MREG: variants seen among roughly 807,000 people sequenced by gnomAD.
The protein encoded by MREG is dilute suppressor protein homolog.
A neutral mutation model predicts 28.5 loss-of-function variants in MREG; 31 were observed. The observed-to-expected ratio is 1.09, with a 90% CI of 0.82 to 1.47. The LOEUF is 1.47. Among genes scored for constraint, MREG ranks in the 40% most tolerant of loss-of-function variants. MREG has a pLI of 0.00. For missense variants in MREG, 256 were observed against 257.4 expected, an observed-to-expected ratio of 0.99 and a Z score of 0.04; for synonymous variants, 106 against 95.2, an observed-to-expected ratio of 1.11 and a Z score of -0.66.
chr2:215,979,131 A>G (rs1693339526), intron 2 of MREG, among the ~76,000 whole-genome samples: 1 of 152,146 alleles, frequency 6.6e-6, no homozygotes, highest in Non-Finnish European at 1.5e-5. Flanking sequence ...TTTTTTCTAC[A>G]AAGTTCTATG....
intron 2 of MREG, among the ~76,000 whole-genome samples, chr2:215,979,450 T>G (rs1693351445): frequency 7.0e-6 from 1 of 142,098 alleles, no homozygotes; most frequent in African/African-American, 2.7e-5. Context: ...GCAACAAGAG[T>G]GAAACTCCAT....
chr2:215,955,648 T>C (rs1692606393), intron 2 of MREG, among the ~76,000 whole-genome samples: 1 of 152,212 alleles, frequency 6.6e-6, no homozygotes, highest in Non-Finnish European at 1.5e-5. Flanking sequence ...ATTGACATCA[T>C]CTTATGCTGC....
chr2:216,010,196 T>C (rs141558742), intron 1 of MREG, among the ~76,000 whole-genome samples: 1 of 152,166 alleles, frequency 6.6e-6, no homozygotes, highest in Non-Finnish European at 1.5e-5. Flanking sequence ...AGGCAAAGAC[T>C]GAAGCTGTGT....
chr2:216,025,999 G>A (rs575631541), intron 1 of MREG, among the ~76,000 whole-genome samples: 1 of 152,294 alleles, frequency 6.6e-6, no homozygotes, highest in South Asian at 2.1e-4. Context: ...ACAAGTAGAA[G>A]CAGTCTCACC....
chr2:215,946,943 TA>T, intron 3 of MREG, 79 bp downstream of exon 3: 2 of 855,808 alleles, frequency 2.3e-6, no homozygotes, highest in South Asian at 3.0e-5. Context: ...ATTCCTTTTA[TA>T]AAAACCATGG....
intron 2 of MREG, among the ~76,000 whole-genome samples, chr2:215,980,601 C>T (rs1002889006): frequency 5.3e-5 from 8 of 152,152 alleles, no homozygotes; most frequent in Non-Finnish European, 1.2e-4. Flanking sequence ...ACGAAGCTGT[C>T]AGCTATTTTT....
At chr2:215,991,715 C>A (rs1303563111) in intron 2 of MREG, among the ~76,000 whole-genome samples, 2 of 152,080 alleles carry the variant, frequency 1.3e-5, no homozygotes, top group Admixed American at 6.6e-5. Flanking sequence ...AAGGTGAGAT[C>A]ACCACCGATC....
intron 2 of MREG, among the ~76,000 whole-genome samples, chr2:215,976,304 A>G (rs1693258653): frequency 6.6e-6 from 1 of 152,140 alleles, no homozygotes; most frequent in Non-Finnish European, 1.5e-5. Flanking sequence ...CAGCCTCTTC[A>G]ACTAGAGCCT....
chr2:215,987,013 GA>G (rs1693588349), intron 2 of MREG, among the ~76,000 whole-genome samples: 1 of 151,526 alleles, frequency 6.6e-6, no homozygotes, highest in Non-Finnish European at 1.5e-5. Context: ...CTTCCAACAG[GA>G]AAAAAAATAA....
intron 3 of MREG, among the ~76,000 whole-genome samples, chr2:215,946,568 G>A (rs1456365198): frequency 1.3e-5 from 2 of 152,184 alleles, no homozygotes; most frequent in East Asian, 3.8e-4. Flanking sequence ...AATGCCACAA[G>A]TGTTTTTCCC....
chr2:215,965,913 T>C (rs1223791646), intron 2 of MREG, among the ~76,000 whole-genome samples: 1 of 152,168 alleles, frequency 6.6e-6, no homozygotes, highest in Non-Finnish European at 1.5e-5. Flanking sequence ...GAATGATCTT[T>C]GCTAGGAGGA....
At chr2:216,029,349 G>A (rs774469360) in intron 1 of MREG, among the ~76,000 whole-genome samples, 10 of 152,196 alleles carry the variant, frequency 6.6e-5, no homozygotes, top group South Asian at 2.1e-4. Flanking sequence ...GTGGTGGCGC[G>A]CTTCTGTAGT....
rs368083579 is a variant in MREG at position 215,945,760 on chromosome 2, T to C, written c.347-26A>G. 6 of 1,599,864 alleles carry C rather than the reference T, an allele frequency of 3.8e-6. No individual in the cohort carries two copies. In the African/African-American group the frequency reaches 5.4e-5, roughly 14 times the overall value. ...CTAAGGTAGAAAAATGGACCACTCA[T>C]GTAAAGTAGTCCCAAGTTAACAAGT... On this transcript the variant is annotated intron_variant, in intron 3 of 4. Coordinates refer to ENST00000263268, the MANE Select transcript of MREG (RefSeq NM_018000.3).
intron 1 of MREG, among the ~76,000 whole-genome samples, chr2:216,008,478 T>A (rs371116730): frequency 3.7e-4 from 56 of 152,256 alleles, no homozygotes; most frequent in African/African-American, 1.4e-3. Flanking sequence ...GGCTCTCTCT[T>A]AAGCCACCCA....
At chr2:216,025,599 C>A (rs1439145580) in intron 1 of MREG, among the ~76,000 whole-genome samples, 1 of 152,238 alleles carries the variant, frequency 6.6e-6, no homozygotes, top group Non-Finnish European at 1.5e-5. Flanking sequence ...CGAGAACTGG[C>A]CCTTTCTGTC....
chr2:216,025,663 C>T (rs1470600212), intron 1 of MREG, among the ~76,000 whole-genome samples: 1 of 152,236 alleles, frequency 6.6e-6, no homozygotes, highest in Admixed American at 6.5e-5. Flanking sequence ...GGAACATGGC[C>T]TTAGCCGAGG....
chr2:215,965,340 G>A (rs974918953), intron 2 of MREG, among the ~76,000 whole-genome samples: 3 of 152,062 alleles, frequency 2.0e-5, no homozygotes, highest in East Asian at 1.9e-4. Context: ...CCAGGATCTC[G>A]CCAGCCTCAA....
intron 2 of MREG, among the ~76,000 whole-genome samples, chr2:215,988,467 C>T (rs991869539): frequency 1.3e-5 from 2 of 152,176 alleles, no homozygotes; most frequent in Non-Finnish European, 2.9e-5. Context: ...AACGAAGTGG[C>T]CGGTTCACCA....
At chr2:215,987,933 A>G (rs1461164267) in intron 2 of MREG, among the ~76,000 whole-genome samples, 1 of 152,138 alleles carries the variant, frequency 6.6e-6, no homozygotes, top group Non-Finnish European at 1.5e-5. Context: ...AATTTAAAAA[A>G]TAAAAAAGAA....
Sources: gnomAD v4.1 joint callset for allele counts (sites outside exome capture counted in the v4.1 genomes callset) on GRCh38, gnomAD v4.1.1 for gene constraint, MANE v1.5 for transcripts, NCBI Gene and HGNC (gene_info 2026-07-23, HGNC 2026-07-21) for gene names.